The following PPP5C variants were observed in gnomAD, a reference collection of about 807,000 sequenced individuals.
The protein encoded by PPP5C is serine/threonine-protein phosphatase 5.
In PPP5C, 21 loss-of-function variants were observed where a neutral mutation model predicts 66.7. The ratio of observed to expected loss-of-function variants is 0.31; its 90% confidence interval spans 0.22 to 0.45. The LOEUF is 0.45. PPP5C is among the 20% of genes least tolerant of loss of function. PPP5C has a pLI of 1.00. For missense variants in PPP5C, 464 were observed against 675.9 expected (o/e 0.69, Z 3.48); for synonymous variants, 246 against 257.4 (o/e 0.96, Z 0.43).
intron 4 of PPP5C, among the ~76,000 whole-genome samples, chr19:46,378,511 A>T (rs1972734759): frequency 6.6e-6 from 1 of 152,144 alleles, no homozygotes; most frequent in South Asian, 2.1e-4. Context: ...TTTATAGCCT[A>T]TTTTTTCTAA....
At chr19:46,387,777 C>G (rs901576981) in intron 9 of PPP5C, 2 of 1,252,420 alleles carry the variant, frequency 1.6e-6, no homozygotes, top group Non-Finnish European at 2.1e-6. Flanking sequence ...GGGCACACTT[C>G]AGAGAGTTCA....
Position 46,383,591 on chromosome 19 carries a change from C to G in PPP5C, c.699+115C>G. 1 of 1,185,758 alleles carries G rather than the reference C, an allele frequency of 8.4e-7. No homozygotes were observed. The highest frequency in any genetic ancestry group is 2.6e-5 in the East Asian group (1 of 38,928). The allele number at this position is 1,185,758 out of a possible 1,614,324, so 73.5% of individuals were successfully genotyped here. On this transcript the variant is annotated intron_variant, in intron 5 of 12. Transcript: ENST00000012443. The surrounding 1 kb of genome is among the most constrained non-coding windows in gnomAD (Gnocchi z 5.0). ...ACCTCCCTCTCTCCCTCACACCCCA[C>G]CCCTGTGCCTTTCCTCCTGAATATC...
chr19:46,377,808 A>G (rs1225282857), intron 4 of PPP5C, among the ~76,000 whole-genome samples: 3 of 152,232 alleles, frequency 2.0e-5, no homozygotes, highest in Non-Finnish European at 2.9e-5. Context: ...GGATTCATAC[A>G]TGGATGTTGT....
intron 2 of PPP5C, 38 bp downstream of exon 2, chr19:46,354,027 A>T (rs778654637): frequency 3.7e-6 from 6 of 1,604,502 alleles, no homozygotes; most frequent in Non-Finnish European, 5.1e-6. Flanking sequence ...CACCTGAGCC[A>T]GGCAGATACT....
At chr19:46,368,590 AG>A (rs1312457293) in intron 2 of PPP5C, among the ~76,000 whole-genome samples, 1 of 152,164 alleles carries the variant, frequency 6.6e-6, no homozygotes, top group East Asian at 1.9e-4. Context: ...CCGTGGTTTT[AG>A]TGGCATGGAT....
chr19:46,383,186 ACAAAACAATCG>A lies in PPP5C; in HGVS notation c.634-221_634-211del. ...GATAATTCAAGAATCAGGTTTTCGT[ACAAAACAATCG>A]CAATGCTTCGGCACTGCACAGGCCA... On this transcript the variant is annotated intron_variant, in intron 4 of 12. Transcript: ENST00000012443. This position sits in a 1 kb window ranked among gnomAD's most constrained non-coding sequence, Gnocchi z 5.0. 3 of 1,496,786 alleles carry A rather than the reference ACAAAACAATCG, an allele frequency of 2.0e-6. No homozygotes were observed. The highest frequency in any genetic ancestry group is 2.7e-6 in the Non-Finnish European group (3 of 1,121,318). 92.7% of individuals were successfully genotyped at this position (1,496,786 alleles called of 1,614,324 possible).
At chr19:46,361,906 C>G (rs769324282) in intron 2 of PPP5C, among the ~76,000 whole-genome samples, 54 of 152,250 alleles carry the variant, frequency 3.5e-4, no homozygotes, top group Admixed American at 8.5e-4. Context: ...CAGCTTTGAC[C>G]ATACAAAATA....
At chr19:46,374,008 A>C (rs1233347693) in intron 2 of PPP5C, among the ~76,000 whole-genome samples, 1 of 152,178 alleles carries the variant, frequency 6.6e-6, no homozygotes, top group African/African-American at 2.4e-5. Flanking sequence ...GCCAGGCCAC[A>C]TGCTGGTTTG....
chr19:46,353,706 G>A (rs917947), intron 1 of PPP5C, 42 bp from the exon 2 acceptor site: 198,919 of 1,610,936 alleles, frequency 0.12, 17,140 homozygotes, highest in East Asian at 0.38. Flanking sequence ...TGTCCTCGCA[G>A]GGTTGGAGCA....
rs11550355 is a variant in PPP5C, at chr19:46,375,609, C to T, written c.369C>T (p.Val123=). 1 of 1,613,980 alleles carries T rather than the reference C, an allele frequency of 6.2e-7. No individual in the cohort carries two copies. The highest frequency in any genetic ancestry group is 8.5e-7 in the Non-Finnish European group (1 of 1,179,948). ...RAALRDYETV[V]KVKPHDKDAK... ...GCCCCTTCCCTCCCACCCAGGTGGT[C>T]AAGGTGAAGCCCCATGACAAGGATG... The change falls in exon 3 of 13, where the codon GTC becomes GTT. Residue 123 remains valine, a synonymous_variant. Coordinates refer to ENST00000012443, the MANE Select transcript of PPP5C (RefSeq NM_006247.4).
At position 46,370,404 on chromosome 19, in the gene PPP5C, C is replaced by T. The variant is rs574495246; in HGVS notation, c.364-5200C>T. On this transcript the variant is annotated intron_variant, in intron 2 of 12. Coordinates refer to ENST00000012443, the MANE Select transcript of PPP5C (RefSeq NM_006247.4). The stretch of plus-strand genomic sequence containing the variant: ...GTCAGGAGATCAGTATCACTGTCTC[C>T]CACCTCCACACCGTGTCCCACTGGA... Among the ~76,000 whole-genome samples, 9 of 152,266 alleles carry T rather than the reference C, an allele frequency of 5.9e-5. No homozygotes were observed. The South Asian group carries it at 1.7e-3, about 28-fold the overall frequency.
intron 2 of PPP5C, among the ~76,000 whole-genome samples, chr19:46,355,760 G>A (rs1972274881): frequency 6.6e-6 from 1 of 152,166 alleles, no homozygotes; most frequent in Admixed American, 6.5e-5. Context: ...GTCACGAGCT[G>A]CAGGGCTCAG....
At chr19:46,357,802 C>A (rs2147367073) in intron 2 of PPP5C, among the ~76,000 whole-genome samples, 1 of 152,370 alleles carries the variant, frequency 6.6e-6, no homozygotes, top group South Asian at 2.1e-4. Flanking sequence ...GCGCCCTCTC[C>A]TGGAGCACCA....
At chr19:46,363,336 A>AC (rs1568568008) in intron 2 of PPP5C, among the ~76,000 whole-genome samples, 3 of 85,982 alleles carry the variant, frequency 3.5e-5, no homozygotes, top group East Asian at 9.5e-4. Context: ...AAAAAAAAAA[A>AC]AAAAAAAAAA....
intron 9 of PPP5C, chr19:46,387,848 C>A: frequency 2.5e-6 from 2 of 810,946 alleles, no homozygotes; most frequent in Non-Finnish European, 3.3e-6. Flanking sequence ...ATTGGGTGGG[C>A]TGGTGCTGGG....
At chr19:46,367,909 G>C (rs1053713992) in intron 2 of PPP5C, among the ~76,000 whole-genome samples, 4 of 152,190 alleles carry the variant, frequency 2.6e-5, no homozygotes, top group Non-Finnish European at 4.4e-5. Context: ...GACTCTCAGT[G>C]GGTTGAGTTG....
intron 7 of PPP5C, 160 bp from the exon 8 acceptor site, chr19:46,386,933 C>T: frequency 4.1e-6 from 4 of 964,362 alleles, no homozygotes; most frequent in Non-Finnish European, 4.6e-6. Flanking sequence ...TGTCAAGATT[C>T]CCCCCTTGGT....
At position 46,383,439 on chromosome 19, in the gene PPP5C, C is replaced by T. The variant is rs1033418818; in HGVS notation, c.662C>T (p.Ser221Phe). The change falls in exon 5 of 13, where the codon TCC becomes TTC. Residue 221 changes from serine to phenylalanine, a missense_variant. Transcript: ENST00000012443. The surrounding 1 kb of genome is among the most constrained non-coding windows in gnomAD (Gnocchi z 5.0). ...CTGGTACAGGTCAAAGAGGTCCTCT[C>T]CAAGCTGAGCACGCTCGTGGAAACC... ...QILVQVKEVL[S>F]KLSTLVETTL... is the part of the protein sequence containing the mutation. 3 of 1,612,080 alleles carry T rather than the reference C, an allele frequency of 1.9e-6. No homozygotes were observed. The highest frequency in any genetic ancestry group is 2.5e-6 in the Non-Finnish European group (3 of 1,178,920).
rs867583806 is a variant in PPP5C at position 46,390,792 on chromosome 19, C to G, written c.*446C>G. 64 of 1,126,826 alleles carry G rather than the reference C, an allele frequency of 5.7e-5. No homozygotes were observed. Among genetic ancestry groups the G allele is most frequent in the African/African-American group, 2.9e-4 (18 of 62,112 alleles). The allele number at this position is 1,126,826 out of a possible 1,614,324, so 69.8% of individuals were successfully genotyped here. A position where few individuals can be genotyped will look rare whatever the true frequency, so the allele number is the denominator to read the frequency against. On this transcript the variant is annotated 3_prime_UTR_variant, in exon 13 of 13. Transcript: ENST00000012443. Reference sequence around the variant, plus strand: ...TGGGGCTAGGCTGGGGCTCACCCCCCTCCCCAGCTATTTTATGTCTGTAAT... The same window carrying G: ...TGGGGCTAGGCTGGGGCTCACCCCCGTCCCCAGCTATTTTATGTCTGTAAT...
Sources: gnomAD v4.1 joint callset for allele counts (sites outside exome capture counted in the v4.1 genomes callset) on GRCh38, gnomAD v4.1.1 for gene constraint, Gnocchi (gnomAD v3.1) non-coding constraint, MANE v1.5 for transcripts, NCBI Gene and HGNC (gene_info 2026-07-23, HGNC 2026-07-21) for gene names.